Variants in STK33 observed in about 807,000 individuals in gnomAD.
STK33 encodes the protein serine/threonine kinase 33, also known as serine/threonine-protein kinase 33.
Under a neutral mutation model 58.0 loss-of-function variants are expected in STK33, and 52 were observed. The observed-to-expected ratio is 0.90, with a 90% confidence interval of 0.72 to 1.13. The LOEUF is 1.13. Among genes scored for constraint, STK33 ranks in the 50% most tolerant of loss-of-function variants. The pLI is 0.00. For synonymous variants in STK33, 215 were observed against 200.1 expected (o/e 1.07, Z -0.63); for missense variants, 630 against 604.2 (o/e 1.04, Z -0.45).
intron 6 of STK33, among the ~76,000 whole-genome samples, chr11:8,469,164 C>T (rs1402933675): frequency 6.6e-6 from 1 of 152,174 alleles, no homozygotes; most frequent in Non-Finnish European, 1.5e-5. Flanking sequence ...TTCTCTGTAG[C>T]ATGTGATGCT....
the STK33 span, among the ~76,000 whole-genome samples, chr11:8,337,264 G>C: frequency 1.3e-5 from 2 of 152,204 alleles, no homozygotes; most frequent in Middle Eastern, 3.2e-3. Flanking sequence ...AGTCGCCTGC[G>C]TGTGATTCCC....
chr11:8,498,162 AC>A (rs1302315150), intron 1 of STK33, among the ~76,000 whole-genome samples: 13 of 152,320 alleles, frequency 8.5e-5, no homozygotes, highest in East Asian at 3.9e-4. Flanking sequence ...CAGAAAAAAA[AC>A]ATTTGACAAA....
chr11:8,342,966 G>T, the STK33 span, among the ~76,000 whole-genome samples: 1 of 152,242 alleles, frequency 6.6e-6, no homozygotes, highest in Non-Finnish European at 1.5e-5. Context: ...GATGCTTTTG[G>T]TGGGGGCACT....
the STK33 span, among the ~76,000 whole-genome samples, chr11:8,348,104 G>A: frequency 6.6e-6 from 1 of 152,138 alleles, no homozygotes; most frequent in Non-Finnish European, 1.5e-5. Context: ...TGAACACCAG[G>A]GGGCAACCAG....
chr11:8,528,499 T>G (rs1204395446), intron 1 of STK33, among the ~76,000 whole-genome samples: 2 of 152,222 alleles, frequency 1.3e-5, no homozygotes, highest in Non-Finnish European at 2.9e-5. Flanking sequence ...AATCTATAGC[T>G]CCTGAGCTTC....
At chr11:8,464,599 C>G in intron 7 of STK33, 110 bp downstream of exon 7, 2 of 688,994 alleles carry the variant, frequency 2.9e-6, no homozygotes, top group Non-Finnish European at 2.4e-6. Context: ...CAGCCCAGGC[C>G]TGGGACCTCA....
intron 15 of STK33, among the ~76,000 whole-genome samples, chr11:8,401,249 T>C (rs908040439): frequency 5.3e-5 from 8 of 152,148 alleles, no homozygotes; most frequent in African/African-American, 1.7e-4. Context: ...CAAAACAGCA[T>C]GGTACTGGTA....
chr11:8,392,403 A>AAAGGCTAC lies in STK33; in HGVS notation c.*99_*106dup. 1 of 1,309,358 alleles carries AAAGGCTAC rather than the reference A, an allele frequency of 7.6e-7. No individual in the cohort carries two copies. Among genetic ancestry groups the AAAGGCTAC allele is most frequent in the Non-Finnish European group, 1.1e-6 (1 of 933,758 alleles). The allele number at this position is 1,309,358 out of a possible 1,614,324, so 81.1% of individuals were successfully genotyped here. A position where few individuals can be genotyped will look rare whatever the true frequency, so the allele number is the denominator to read the frequency against. ...CACATGGCGGGGCTCTGTGGAGCTA[A>AAAGGCTAC]AAGGCTACAAGCTCAGCATAGGGCT... is the stretch of plus-strand genomic sequence containing the variant. On this transcript the variant is annotated 3_prime_UTR_variant, in exon 16 of 16. Transcript: ENST00000687296.
At chr11:8,551,953 G>T (rs1956329520) in intron 1 of STK33, among the ~76,000 whole-genome samples, 1 of 138,128 alleles carries the variant, frequency 7.2e-6, no homozygotes, top group Non-Finnish European at 1.6e-5. Flanking sequence ...GCTGATTGGA[G>T]AGCTAAAGAG....
intron 11 of STK33, among the ~76,000 whole-genome samples, chr11:8,444,514 A>C (rs1050466373): frequency 6.6e-6 from 1 of 152,142 alleles, no homozygotes; most frequent in Non-Finnish European, 1.5e-5. Context: ...GTCCTCAAAA[A>C]ATTTTTTAGA....
intron 6 of STK33, among the ~76,000 whole-genome samples, chr11:8,471,683 G>A (rs1437065268): frequency 6.6e-6 from 1 of 152,012 alleles, no homozygotes; most frequent in Non-Finnish European, 1.5e-5. Context: ...ACTATACCAA[G>A]TTAAAGTTAC....
At chr11:8,357,253 T>A in the STK33 span, among the ~76,000 whole-genome samples, 1 of 152,216 alleles carries the variant, frequency 6.6e-6, no homozygotes, top group Non-Finnish European at 1.5e-5. Context: ...GCGGCGCGAT[T>A]ACACATTCTC....
At position 8,403,515 on chromosome 11, in the gene STK33, C is replaced by CT. The variant is rs1376868046; in HGVS notation, c.1344+9979dup. Among the ~76,000 whole-genome samples the CT allele has an allele frequency of 1.6e-4, 25 of 152,208 alleles. 2 individuals carry two copies. The highest frequency in any genetic ancestry group is 1.6e-3 in the Admixed American group (25 of 15,280). ...AGCACTGTGGAGGTGGACAGCATCT[C>CT]TGAGTGCTGCATTCAGGACGGTTAC... On this transcript the variant is annotated intron_variant, in intron 15 of 15. Coordinates refer to ENST00000687296, the MANE Select transcript of STK33 (RefSeq NM_001352389.2).
chr11:8,449,116 T>G (rs1316242064), intron 11 of STK33, among the ~76,000 whole-genome samples: 1 of 151,506 alleles, frequency 6.6e-6, no homozygotes, highest in Non-Finnish European at 1.5e-5. Flanking sequence ...TGGCGGTCAT[T>G]AAAAAGTCAG....
intron 1 of STK33, among the ~76,000 whole-genome samples, chr11:8,518,860 G>A (rs1208125134): frequency 1.3e-5 from 2 of 152,098 alleles, no homozygotes; most frequent in African/African-American, 4.8e-5. Context: ...AGAGACCTAT[G>A]AAGAGACTTA....
At chr11:8,460,269 T>A (rs1947353303) in intron 8 of STK33, among the ~76,000 whole-genome samples, 1 of 151,974 alleles carries the variant, frequency 6.6e-6, no homozygotes, top group Non-Finnish European at 1.5e-5. Flanking sequence ...AAATTGAAAC[T>A]GATCTAGAAA....
At chr11:8,462,436 C>CAT (rs199909997) in intron 7 of STK33, among the ~76,000 whole-genome samples, 38 of 123,558 alleles carry the variant, frequency 3.1e-4, no homozygotes, top group East Asian at 6.5e-4. Flanking sequence ...TACATATATA[C>CAT]ATATATACAC....
At chr11:8,429,545 C>T (rs1943164819) in intron 14 of STK33, among the ~76,000 whole-genome samples, 1 of 152,298 alleles carries the variant, frequency 6.6e-6, no homozygotes, top group South Asian at 2.1e-4. Flanking sequence ...CTCCCCTCTT[C>T]TCTGTTCCCA....
chr11:8,354,938 C>G, the STK33 span, among the ~76,000 whole-genome samples: 1 of 152,280 alleles, frequency 6.6e-6, no homozygotes. Flanking sequence ...AGAAGCCAGC[C>G]AGGCGCAGCC....
Sources: allele counts gnomAD v4.1 joint callset (sites outside exome capture counted in the v4.1 genomes callset), GRCh38; gene constraint gnomAD v4.1.1; transcripts MANE v1.5; gene names NCBI Gene and HGNC (gene_info 2026-07-23, HGNC 2026-07-21).